The following STK32B variants were observed in gnomAD, a reference collection of about 807,000 sequenced individuals.
STK32B encodes the protein serine/threonine-protein kinase 32B.
In STK32B, 43 loss-of-function variants were observed where a neutral mutation model predicts 52.6. That is an observed-to-expected ratio of 0.82 (90% CI 0.64 to 1.05). The LOEUF is 1.05. STK32B is among the 50% of genes least tolerant of loss of function. STK32B has a pLI of 0.00. For synonymous variants in STK32B, 238 were observed against 204.3 expected, an observed-to-expected ratio of 1.17 and a Z score of -1.41; for missense variants, 621 against 534.6, an observed-to-expected ratio of 1.16 and a Z score of -1.59.
At chr4:5,060,689 T>C (rs1288237674) in intron 1 of STK32B, among the ~76,000 whole-genome samples, 1 of 152,192 alleles carries the variant, frequency 6.6e-6, no homozygotes, top group Non-Finnish European at 1.5e-5. Flanking sequence ...ATTTCTTTTA[T>C]TGCATGCTTT....
chr4:5,416,046 A>C (rs1332636949), intron 5 of STK32B, among the ~76,000 whole-genome samples: 1 of 152,156 alleles, frequency 6.6e-6, no homozygotes, highest in East Asian at 1.9e-4. Context: ...AATAGAGAGA[A>C]ATGTAATTGC....
intron 4 of STK32B, among the ~76,000 whole-genome samples, chr4:5,388,106 T>A (rs1025397377): frequency 6.6e-6 from 1 of 152,202 alleles, no homozygotes; most frequent in Admixed American, 6.5e-5. Context: ...GGCTGCAGTT[T>A]CTTCATCCAT....
At chr4:5,095,688 C>G (rs148483736) in intron 1 of STK32B, among the ~76,000 whole-genome samples, 2 of 152,294 alleles carry the variant, frequency 1.3e-5, no homozygotes, top group East Asian at 3.9e-4. Flanking sequence ...GGGTTCCAGA[C>G]CTTATACTTG....
intron 6 of STK32B, among the ~76,000 whole-genome samples, chr4:5,433,321 G>C (rs1713754968): frequency 6.6e-6 from 1 of 152,188 alleles, no homozygotes; most frequent in African/African-American, 2.4e-5. Context: ...TTGCGGCTGA[G>C]ACTGAGAACC....
Position 5,116,998 on chromosome 4 carries a change from C to G in STK32B, c.53-22907C>G, listed in dbSNP as rs376264682. ...TGATTTTTGCATGTTGAGTTTGTAT[C>G]CTGCAACTTTACGGAATTCATTTGT... On this transcript the variant is annotated intron_variant, in intron 1 of 11. Transcript: ENST00000282908. Among the ~76,000 whole-genome samples, 122 of 152,182 alleles carry G rather than the reference C, an allele frequency of 8.0e-4. 3 individuals carry two copies. In the South Asian group the frequency reaches 0.024, roughly 30 times the overall value.
intron 11 of STK32B, among the ~76,000 whole-genome samples, chr4:5,473,742 A>T (rs1718019564): frequency 1.3e-5 from 2 of 152,170 alleles, no homozygotes. Context: ...TCCTCAGACC[A>T]CACAATGGCA....
chr4:5,244,077 G>A (rs541048796), intron 3 of STK32B, among the ~76,000 whole-genome samples: 2 of 152,070 alleles, frequency 1.3e-5, no homozygotes, highest in Non-Finnish European at 2.9e-5. Flanking sequence ...TTGGTATCAG[G>A]ATGATGCTGG....
rs199778975 is a variant in STK32B at position 5,317,311 on chromosome 4, CAT to C, written c.261-13906_261-13905del. Among the ~76,000 whole-genome samples the C allele has an allele frequency of 1.2e-3, 29 of 24,050 alleles. 3 individuals are homozygous for C. The highest frequency in any genetic ancestry group is 7.9e-3 in the East Asian group (6 of 762). 15.8% of individuals were successfully genotyped at this position (24,050 alleles called of 152,430 possible). On this transcript the variant is annotated intron_variant, in intron 3 of 11. Coordinates refer to ENST00000282908, the MANE Select transcript of STK32B (RefSeq NM_018401.3). ...CATATATATAATATATAATATATAA[CAT>C]ATGTATAATATATATTACATATATA...
intron 3 of STK32B, among the ~76,000 whole-genome samples, chr4:5,218,815 C>T (rs746522243): frequency 3.9e-5 from 6 of 152,208 alleles, no homozygotes; most frequent in East Asian, 1.9e-4. Flanking sequence ...CTGCTTTTGG[C>T]GTGCTCTTGC....
chr4:5,457,541 C>T (rs1716659909), intron 8 of STK32B, among the ~76,000 whole-genome samples: 2 of 151,226 alleles, frequency 1.3e-5, no homozygotes, highest in South Asian at 2.1e-4. Flanking sequence ...AAATCTGCTG[C>T]ACATGGTCTT....
At chr4:5,321,449 G>C (rs559487669) in intron 3 of STK32B, among the ~76,000 whole-genome samples, 1 of 152,262 alleles carries the variant, frequency 6.6e-6, no homozygotes, top group African/African-American at 2.4e-5. Context: ...TAATCAAGTG[G>C]TGAGGGCTGT....
Position 5,396,886 on chromosome 4 carries a change from A to G in STK32B, c.435-1321A>G, listed in dbSNP as rs1043850507. Among the ~76,000 whole-genome samples, 1 of 152,094 alleles carries G rather than the reference A, an allele frequency of 6.6e-6. No homozygotes were observed. Among genetic ancestry groups the G allele is most frequent in the Admixed American group, 6.5e-5 (1 of 15,272 alleles). On this transcript the variant is annotated intron_variant, in intron 4 of 11. Transcript: ENST00000282908. This position sits in a 1 kb window ranked among gnomAD's most constrained non-coding sequence, Gnocchi z 4.7. ...TTTGTTTTAATTTTATAAGTTCTCA[A>G]GTTCATCCCTCCCATGTGGCTCCCT... is the stretch of plus-strand genomic sequence containing the variant.
rs1717839018 is a variant in STK32B at position 5,156,299 on chromosome 4, A to G, written c.109-12000A>G. Among the ~76,000 whole-genome samples, 3 of 152,074 alleles carry G rather than the reference A, an allele frequency of 2.0e-5. No individual in the cohort carries two copies. In the South Asian group the frequency reaches 6.2e-4, roughly 31 times the overall value. ...GCATGAATATTATATAAATAAATAA[A>G]TATAAATGAATGAAGAACTTAACAA... On this transcript the variant is annotated intron_variant, in intron 2 of 11. Coordinates refer to ENST00000282908, the MANE Select transcript of STK32B (RefSeq NM_018401.3).
chr4:5,381,935 C>G (rs1735958845), intron 4 of STK32B, among the ~76,000 whole-genome samples: 1 of 152,064 alleles, frequency 6.6e-6, no homozygotes, highest in South Asian at 2.1e-4. Context: ...CTTATGCGAT[C>G]ATGGAGGTAT....
chr4:5,466,721 G>T lies in STK32B; in HGVS notation c.928G>T (p.Asp310Tyr), dbSNP rs746880267. ...FVPNKGRLNC[D>Y]PTFELEEMIL... Reference sequence around the variant, plus strand: ...CCTTTAGAAAGGGAGGTTGAACTGCGATCCCACATTTGAGCTTGAAGAGAT... The same window carrying T: ...CCTTTAGAAAGGGAGGTTGAACTGCTATCCCACATTTGAGCTTGAAGAGAT... Residue 310 changes from aspartate to tyrosine, a missense_variant, in exon 10 of 12, where the codon GAT (aspartate) becomes TAT (tyrosine). Physicochemically the swap from Asp to Tyr is radical, Grantham distance 160. Coordinates refer to ENST00000282908, the MANE Select transcript of STK32B (RefSeq NM_018401.3). 3.1e-6 allele frequency: 5 copies of T among 1,613,398 alleles called. No homozygotes were observed. The highest frequency in any genetic ancestry group is 4.2e-6 in the Non-Finnish European group (5 of 1,179,748).
intron 1 of STK32B, among the ~76,000 whole-genome samples, chr4:5,052,205 A>C (rs1577610893): frequency 6.6e-6 from 1 of 151,976 alleles, no homozygotes; most frequent in Admixed American, 6.5e-5. Context: ...TGTGGAAGGG[A>C]GGAGTTGACT....
intron 6 of STK32B, among the ~76,000 whole-genome samples, chr4:5,446,112 C>G (rs1183828761): frequency 6.6e-6 from 1 of 152,238 alleles, no homozygotes; most frequent in African/African-American, 2.4e-5. Flanking sequence ...GTGGACGGCC[C>G]TTCCATGCCC....
intron 1 of STK32B, among the ~76,000 whole-genome samples, chr4:5,102,854 C>G (rs891737663): frequency 1.6e-5 from 1 of 63,906 alleles, no homozygotes; most frequent in African/African-American, 7.6e-5. Context: ...CTCTCCTCCC[C>G]CTCCCTCCCT....
At chr4:5,091,718 A>G (rs544586563) in intron 1 of STK32B, among the ~76,000 whole-genome samples, 34 of 152,376 alleles carry the variant, frequency 2.2e-4, no homozygotes, top group Non-Finnish European at 4.3e-4. Flanking sequence ...ACTCTTAGGT[A>G]TATGCTGAAG....
Sources: gnomAD v4.1 joint callset for allele counts (sites outside exome capture counted in the v4.1 genomes callset) on GRCh38, gnomAD v4.1.1 for gene constraint, Gnocchi (gnomAD v3.1) non-coding constraint, MANE v1.5 for transcripts, NCBI Gene and HGNC (gene_info 2026-07-23, HGNC 2026-07-21) for gene names.